Variants in GNAI2 observed in about 807,000 individuals in gnomAD.
GNAI2 encodes the protein guanine nucleotide-binding protein G(i) subunit alpha-2.
In GNAI2, 4 loss-of-function variants were observed where a neutral mutation model predicts 36.8. That is an observed-to-expected ratio of 0.11 (90% CI 0.05 to 0.25). The LOEUF (loss-of-function observed/expected upper bound fraction) is 0.25. GNAI2 is among the 10% of genes least tolerant of loss of function. The pLI, the probability that GNAI2 is intolerant of heterozygous loss-of-function variation, is 1.00. For synonymous variants in GNAI2, 194 were observed against 194.1 expected (o/e 1.00, Z 0.01); for missense variants, 230 against 481.3 (o/e 0.48, Z 4.89).
At chr3:50,231,970 G>A (rs929653398), upstream of GNAI2, among the ~76,000 whole-genome samples, 11 of 151,790 alleles carry the variant, frequency 7.2e-5, no homozygotes, top group Non-Finnish European at 1.6e-4. Flanking sequence ...GCCAAGACGG[G>A]AGGATTGCCT....
At position 50,251,420 on chromosome 3, in the gene GNAI2, T is replaced by TGTGTGG. The variant is rs1420121904; in HGVS notation, c.119-668_119-663dup. On this transcript the variant is annotated intron_variant, in intron 1 of 8. Coordinates refer to ENST00000313601, the MANE Select transcript of GNAI2 (RefSeq NM_002070.4). ...GGAAAAGCTTGAGTCAGTATGGGCG[T>TGTGTGG]GTGTGGGTGTGGGTGTGTGAGATAC... 32 of 1,035,766 alleles carry TGTGTGG rather than the reference T, an allele frequency of 3.1e-5. No homozygotes were observed. The African/African-American group carries it at 5.0e-4, about 16-fold the overall frequency. The allele number at this position is 1,035,766 out of a possible 1,614,324, so 64.2% of individuals were successfully genotyped here.
At chr3:50,254,306 G>A (rs1700637598) in intron 4 of GNAI2, among the ~76,000 whole-genome samples, 1 of 152,166 alleles carries the variant, frequency 6.6e-6, no homozygotes, top group Non-Finnish European at 1.5e-5. Context: ...TCACCAGATA[G>A]GCTGCTGTCC....
intron 1 of GNAI2, among the ~76,000 whole-genome samples, chr3:50,250,972 G>C (rs1263882191): frequency 1.3e-5 from 2 of 152,150 alleles, no homozygotes; most frequent in African/African-American, 4.8e-5. Context: ...ACCACGCCTG[G>C]CTAGTTTTTG....
Position 50,252,591 on chromosome 3 carries a change from C to G in GNAI2, c.303+53C>G. The G allele has an allele frequency of 6.7e-7, 1 of 1,492,936 alleles. No individual in the cohort carries two copies. The highest frequency in any genetic ancestry group is 9.2e-7 in the Non-Finnish European group (1 of 1,085,490). The allele number at this position is 1,492,936 out of a possible 1,614,324, so 92.5% of individuals were successfully genotyped here. On this transcript the variant is annotated intron_variant, in intron 3 of 8. Transcript: ENST00000313601. This position sits in a 1 kb window ranked among gnomAD's most constrained non-coding sequence, Gnocchi z 4.1. ...CACCTCCCAAAAGGTTTCGGGGTGG[C>G]TGGTTGTGGTGGCTCATGCCTATAA... is the stretch of plus-strand genomic sequence containing the variant.
chr3:50,252,207 C>T lies in GNAI2; in HGVS notation c.161+65C>T. ...TTCCCCTCTTCACCCTCTGGGCCTGCACTGCCCCCGACTACAGGCCCAGCC... is the reference window on the plus strand; with the variant it reads ...TTCCCCTCTTCACCCTCTGGGCCTGTACTGCCCCCGACTACAGGCCCAGCC... On this transcript the variant is annotated intron_variant, in intron 2 of 8. Transcript: ENST00000313601. This position sits in a 1 kb window ranked among gnomAD's most constrained non-coding sequence, Gnocchi z 4.1. 4 of 1,509,216 alleles carry T rather than the reference C, an allele frequency of 2.7e-6. No individual in the cohort carries two copies. Among genetic ancestry groups the T allele is most frequent in the Non-Finnish European group, 3.7e-6 (4 of 1,090,100 alleles). 93.5% of individuals were successfully genotyped at this position (1,509,216 alleles called of 1,614,324 possible).
At position 50,241,313 on chromosome 3, in the gene GNAI2, CTCT is replaced by C; in HGVS notation, c.118+4866_118+4868del. The stretch of plus-strand genomic sequence containing the variant: ...GGCGGGGCGGCTTGGGCCTCTGAGT[CTCT>C]TCTTCCCACCCCTCCCCCAGGCTTG... On this transcript the variant is annotated intron_variant, in intron 1 of 8. Transcript: ENST00000313601. This position sits in a 1 kb window ranked among gnomAD's most constrained non-coding sequence, Gnocchi z 5.0. 6.6e-6 allele frequency among the ~76,000 whole-genome samples: 1 copy of C among 152,316 alleles called. No individual in the cohort carries two copies. Among genetic ancestry groups the C allele is most frequent in the Middle Eastern group, 3.4e-3 (1 of 294 alleles).
intron 1 of GNAI2, among the ~76,000 whole-genome samples, chr3:50,237,869 T>C (rs1700215094): frequency 6.6e-6 from 1 of 152,158 alleles, no homozygotes; most frequent in Non-Finnish European, 1.5e-5. Context: ...GTCATAGGGC[T>C]CCCAGGCTGT....
At chr3:50,248,349 CTGGTAGGGGGCATCCCTCAGGTCCTGA>C (rs1447164002) in intron 1 of GNAI2, among the ~76,000 whole-genome samples, 1 of 152,190 alleles carries the variant, frequency 6.6e-6, no homozygotes, top group Admixed American at 6.5e-5. Context: ...GCCAGCTTAT[CTGGTAGGGGGCATCCCTCAGGTCCTGA>C]TGGAAAGAGG....
Position 50,231,016 on chromosome 3 carries a change from T to C in GNAI2, c.-39+18T>C, listed in dbSNP as rs587648050. 7.3e-5 allele frequency: 69 copies of C among 950,770 alleles called. No homozygotes were observed. In the South Asian group the frequency reaches 3.0e-3, roughly 41 times the overall value. 58.9% of individuals were successfully genotyped at this position (950,770 alleles called of 1,614,324 possible). On this transcript the variant is annotated intron_variant, in intron 1 of 8. Transcript: ENST00000266027. ...AGCAAGGGGTTTGTTTCTTCAGCTC[T>C]CAGCCTTAATTTTCTCGCTAGCCCT...
At position 50,258,639 on chromosome 3, in the gene GNAI2, G is replaced by C. The variant is rs113343486; in HGVS notation, c.*296G>C. 1 of 321,304 alleles carries C rather than the reference G, an allele frequency of 3.1e-6. No homozygotes were observed. Among genetic ancestry groups the C allele is most frequent in the African/African-American group, 2.2e-5 (1 of 45,838 alleles). The allele number at this position is 321,304 out of a possible 1,614,324, so 19.9% of individuals were successfully genotyped here. A position where few individuals can be genotyped will look rare whatever the true frequency, so the allele number is the denominator to read the frequency against. ...TTGTCTTGTTCTGTGATGAGGGGAG[G>C]GGGGCACATGCTGAGTCTCCCAAGG... is the stretch of plus-strand genomic sequence containing the variant. On this transcript the variant is annotated 3_prime_UTR_variant, in exon 9 of 9. Coordinates refer to ENST00000313601, the MANE Select transcript of GNAI2 (RefSeq NM_002070.4).
rs1553700643 is a variant in GNAI2 at position 50,238,491 on chromosome 3, C to G, written c.118+2038C>G. 6.6e-6 allele frequency: 1 copy of G among 152,338 alleles called. No homozygotes were observed. The highest frequency in any genetic ancestry group is 1.9e-4 in the East Asian group (1 of 5,198). 9.4% of individuals were successfully genotyped at this position (152,338 alleles called of 1,614,324 possible). ...GGTGCAGGGTCTGGCTTAGCACTTT[C>G]TAGCCTGGGAAGTTCACCCTGGGGT... is the stretch of plus-strand genomic sequence containing the variant. On this transcript the variant is annotated intron_variant, in intron 1 of 8. Coordinates refer to ENST00000313601, the MANE Select transcript of GNAI2 (RefSeq NM_002070.4). The surrounding 1 kb of genome is among the most constrained non-coding windows in gnomAD (Gnocchi z 5.0).
chr3:50,257,171 C>T (rs782566285), intron 7 of GNAI2, 81 bp downstream of exon 7: 27 of 1,241,464 alleles, frequency 2.2e-5, no homozygotes, highest in African/African-American at 9.0e-5. Flanking sequence ...GGCCCTCAGG[C>T]GCCCCCCACT....
chr3:50,246,678 G>A (rs1553701818), intron 1 of GNAI2, among the ~76,000 whole-genome samples: 4 of 152,234 alleles, frequency 2.6e-5, no homozygotes, highest in Non-Finnish European at 5.9e-5. Context: ...GGCCTGCCAC[G>A]TCAGCTGGCT....
At chr3:50,228,115 C>A (rs777635794), upstream of GNAI2, among the ~76,000 whole-genome samples, 3 of 152,260 alleles carry the variant, frequency 2.0e-5, no homozygotes, top group Non-Finnish European at 2.9e-5. Flanking sequence ...CACCAGCTCT[C>A]TTCTCCCCGG....
chr3:50,244,458 A>G (rs1700369015), intron 1 of GNAI2, among the ~76,000 whole-genome samples: 1 of 152,194 alleles, frequency 6.6e-6, no homozygotes, highest in Non-Finnish European at 1.5e-5. Context: ...CATAAGCCCC[A>G]GTCTTAGACT....
upstream of GNAI2, among the ~76,000 whole-genome samples, chr3:50,233,959 G>A (rs1700113871): frequency 6.9e-6 from 1 of 144,014 alleles, no homozygotes; most frequent in South Asian, 2.2e-4. Flanking sequence ...GCAGTGGTGT[G>A]ATCTCAGCTC....
At chr3:50,250,074 ACT>A (rs1700518567) in intron 1 of GNAI2, among the ~76,000 whole-genome samples, 1 of 151,904 alleles carries the variant, frequency 6.6e-6, no homozygotes, top group Admixed American at 6.6e-5. Context: ...TGCAGAGGGG[ACT>A]CTAACCCTGT....
intron 1 of GNAI2, chr3:50,251,427 G>A: frequency 9.5e-7 from 1 of 1,049,520 alleles, no homozygotes; most frequent in Non-Finnish European, 1.2e-6. Context: ...GCGTGTGTGG[G>A]TGTGGGTGTG....
At position 50,241,296 on chromosome 3, in the gene GNAI2, G is replaced by A. The variant is rs1700293766; in HGVS notation, c.118+4843G>A. 2.0e-5 allele frequency among the ~76,000 whole-genome samples: 3 copies of A among 152,152 alleles called. No individual in the cohort carries two copies. The highest frequency in any genetic ancestry group is 2.9e-5 in the Non-Finnish European group (2 of 68,012). On this transcript the variant is annotated intron_variant, in intron 1 of 8. Transcript: ENST00000313601. This position sits in a 1 kb window ranked among gnomAD's most constrained non-coding sequence, Gnocchi z 5.0. ...TTAGCACTTGAATGGGGGGCGGGGCGGCTTGGGCCTCTGAGTCTCTTCTTC... is the reference window on the plus strand; with the variant it reads ...TTAGCACTTGAATGGGGGGCGGGGCAGCTTGGGCCTCTGAGTCTCTTCTTC...
Sources: allele counts gnomAD v4.1 joint callset (sites outside exome capture counted in the v4.1 genomes callset), GRCh38; gene constraint gnomAD v4.1.1; non-coding constraint Gnocchi (gnomAD v3.1); transcripts MANE v1.5; gene names NCBI Gene and HGNC (gene_info 2026-07-23, HGNC 2026-07-21).